SLC24A2: variants seen among roughly 807,000 people sequenced by gnomAD.
SLC24A2 encodes solute carrier family 24 member 2, also known as sodium/potassium/calcium exchanger 2.
A neutral mutation model predicts 62.0 loss-of-function variants in SLC24A2; 36 were observed. The ratio of observed to expected loss-of-function variants is 0.58; its 90% CI spans 0.44 to 0.77. The LOEUF is 0.77. SLC24A2 is among the 30% of genes least tolerant of loss of function. The probability of loss-of-function intolerance (pLI) is 0.00; values close to 1 mark genes in which losing one functional copy is unlikely to be tolerated. For missense variants in SLC24A2, 846 were observed against 817.9 expected (o/e 1.03, Z -0.42); for synonymous variants, 358 against 294.0 (o/e 1.22, Z -2.23).
chr9:19,542,035 G>A (rs910817714), intron 8 of SLC24A2, among the ~76,000 whole-genome samples: 10 of 152,196 alleles, frequency 6.6e-5, no homozygotes, highest in Admixed American at 2.6e-4. Flanking sequence ...GCGCTTCCCA[G>A]GTGAGGCAAT....
In SLC24A2 at chr9:19,624,792, TAAG is replaced by T. The variant is rs540754096; in HGVS notation, c.931-2496_931-2494del. Among the ~76,000 whole-genome samples the T allele has an allele frequency of 2.5e-3, 380 of 152,270 alleles. 1 individual carries two copies. The highest frequency in any genetic ancestry group is 8.7e-3 in the African/African-American group (362 of 41,558). On this transcript the variant is annotated intron_variant, in intron 2 of 10. Transcript: ENST00000341998. ...TTATGTAGCCCTGTTGCAAAAGAGA[TAAG>T]AAGTGTGACATATGATGGTAATTGC...
intron 5 of SLC24A2, 35 bp from the exon 6 acceptor site, chr9:19,577,057 A>C: frequency 6.4e-7 from 1 of 1,557,726 alleles, no homozygotes; most frequent in Non-Finnish European, 8.9e-7. Context: ...AGGAGACACA[A>C]TGAGAAAGAA....
the SLC24A2 span, among the ~76,000 whole-genome samples, chr9:20,216,827 T>A: frequency 6.6e-6 from 1 of 152,172 alleles, no homozygotes. Flanking sequence ...GTGCCTTAGT[T>A]GAGATTAATA....
intron 2 of SLC24A2, among the ~76,000 whole-genome samples, chr9:19,775,372 C>G (rs1218003514): frequency 1.3e-5 from 2 of 152,210 alleles, no homozygotes; most frequent in Non-Finnish European, 2.9e-5. Context: ...GGAGGCTCAG[C>G]AAGCATATCA....
chr9:20,082,044 C>T, the SLC24A2 span, among the ~76,000 whole-genome samples: 1 of 152,110 alleles, frequency 6.6e-6, no homozygotes, highest in Non-Finnish European at 1.5e-5. Context: ...GAAATCCTGG[C>T]TTGATGAGGT....
chr9:19,636,367 CT>C (rs1439097481), intron 2 of SLC24A2, among the ~76,000 whole-genome samples: 2 of 35,152 alleles, frequency 5.7e-5, no homozygotes, highest in Admixed American at 3.5e-4. Context: ...TTCTTTCTTT[CT>C]TTCTTTCTTT....
chr9:19,706,983 G>C (rs1161798314), intron 2 of SLC24A2, among the ~76,000 whole-genome samples: 1 of 151,698 alleles, frequency 6.6e-6, no homozygotes, highest in Non-Finnish European at 1.5e-5. Context: ...TTTTTGAAAG[G>C]ATCAACAAAA....
chr9:20,019,155 A>AAGAAAGAAAGAAAGAAAGAAAGAG, the SLC24A2 span, among the ~76,000 whole-genome samples: 2 of 117,088 alleles, frequency 1.7e-5, no homozygotes, highest in Non-Finnish European at 1.8e-5. Context: ...GAAAGAAAGA[A>AAGAAAGAAAGAAAGAAAGAAAGAG]AGAGAGAGAG....
chr9:19,812,532 T>C, the SLC24A2 span, among the ~76,000 whole-genome samples: 2 of 152,198 alleles, frequency 1.3e-5, no homozygotes, highest in African/African-American at 4.8e-5. Context: ...TTATGAATTC[T>C]AATTATATAA....
chr9:19,534,928 T>C (rs189654593), intron 8 of SLC24A2, among the ~76,000 whole-genome samples: 1 of 152,280 alleles, frequency 6.6e-6, no homozygotes, highest in African/African-American at 2.4e-5. Flanking sequence ...CTTGAGGAAT[T>C]GCCACACTGT....
the SLC24A2 span, among the ~76,000 whole-genome samples, chr9:20,300,958 C>CA: frequency 6.6e-6 from 1 of 152,100 alleles, no homozygotes; most frequent in Non-Finnish European, 1.5e-5. Flanking sequence ...CCAAGTACAA[C>CA]ATACACACAC....
At chr9:19,857,546 AT>A in the SLC24A2 span, among the ~76,000 whole-genome samples, 2 of 152,122 alleles carry the variant, frequency 1.3e-5, no homozygotes, top group Non-Finnish European at 2.9e-5. Context: ...TCTCAGCAAT[AT>A]TTTTTAGTTT....
intron 8 of SLC24A2, among the ~76,000 whole-genome samples, chr9:19,542,588 G>T (rs1834330451): frequency 1.3e-5 from 2 of 152,152 alleles, no homozygotes; most frequent in Non-Finnish European, 2.9e-5. Context: ...GCCATAAACA[G>T]CTCTTATTGA....
At chr9:19,982,610 G>C in the SLC24A2 span, among the ~76,000 whole-genome samples, 2 of 152,054 alleles carry the variant, frequency 1.3e-5, no homozygotes, top group African/African-American at 4.8e-5. Context: ...AGACATTTAA[G>C]GAAAAATTAA....
At chr9:19,998,861 A>G in the SLC24A2 span, among the ~76,000 whole-genome samples, 13 of 152,170 alleles carry the variant, frequency 8.5e-5, no homozygotes, top group African/African-American at 3.1e-4. Context: ...TTCCTCCTTC[A>G]TGTTCAACGG....
the SLC24A2 span, among the ~76,000 whole-genome samples, chr9:20,251,871 G>A: frequency 6.6e-6 from 1 of 152,194 alleles, no homozygotes; most frequent in Non-Finnish European, 1.5e-5. Flanking sequence ...TGCAGTTCCA[G>A]GTATTATAGC....
the SLC24A2 span, among the ~76,000 whole-genome samples, chr9:20,170,199 A>G: frequency 2.0e-5 from 3 of 151,998 alleles, no homozygotes; most frequent in Non-Finnish European, 4.4e-5. Flanking sequence ...ATTATGTTAA[A>G]CAACAAAACC....
At chr9:19,537,190 G>A (rs1448189459) in intron 8 of SLC24A2, among the ~76,000 whole-genome samples, 2 of 147,520 alleles carry the variant, frequency 1.4e-5, no homozygotes, top group African/African-American at 5.0e-5. Flanking sequence ...TTGCTGTGCA[G>A]AAGCTCTTTA....
chr9:19,870,357 T>C, the SLC24A2 span, among the ~76,000 whole-genome samples: 1 of 152,334 alleles, frequency 6.6e-6, no homozygotes, highest in African/African-American at 2.4e-5. Context: ...CAGTATTCCA[T>C]TCTTTTGATG....
Sources: allele counts gnomAD v4.1 joint callset (sites outside exome capture counted in the v4.1 genomes callset), GRCh38; gene constraint gnomAD v4.1.1; transcripts MANE v1.5; gene names NCBI Gene and HGNC (gene_info 2026-07-23, HGNC 2026-07-21).